Variants in DLEC1 observed in about 807,000 individuals in gnomAD.
DLEC1 encodes the protein deleted in lung and esophageal cancer protein 1.
Under a neutral mutation model 198.1 loss-of-function variants are expected in DLEC1, and 146 were observed. That is an observed-to-expected ratio of 0.74 (90% CI 0.64 to 0.85). DLEC1 has a LOEUF of 0.85. Among genes scored for constraint, DLEC1 ranks in the 40% least tolerant of loss-of-function variants. The probability of loss-of-function intolerance (pLI) is 0.00; values close to 1 mark genes in which losing one functional copy is unlikely to be tolerated. For synonymous variants in DLEC1, 897 were observed against 866.8 expected (o/e 1.03, Z -0.61); for missense variants, 2,233 against 2,220.0 (o/e 1.01, Z -0.12).
At chr3:38,096,822 C>T in intron 15 of DLEC1, 85 bp downstream of exon 15, 1 of 1,441,946 alleles carries the variant, frequency 6.9e-7, no homozygotes, top group South Asian at 1.4e-5. Context: ...GCAGGAGGGG[C>T]AGATGGTAGC....
chr3:38,045,814 T>C lies in DLEC1; in HGVS notation c.562+121T>C, dbSNP rs1436113223. ...ATATTTGGAGAGCAAGTCGCAGACA[T>C]GATAATATGAATATTACCACAAAAG... On this transcript the variant is annotated intron_variant, in intron 2 of 36. Transcript: ENST00000308059. 69 of 1,025,820 alleles carry C rather than the reference T, an allele frequency of 6.7e-5. 1 individual carries two copies. The East Asian group carries it at 1.9e-3, about 28-fold the overall frequency. 63.5% of individuals were successfully genotyped at this position (1,025,820 alleles called of 1,614,324 possible).
intron 10 of DLEC1, among the ~76,000 whole-genome samples, chr3:38,088,792 A>T (rs545780806): frequency 6.6e-6 from 1 of 151,424 alleles, no homozygotes; most frequent in Admixed American, 6.6e-5. Context: ...TTCCTGCTTC[A>T]TCCTCAGTTT....
intron 22 of DLEC1, 59 bp from the exon 23 acceptor site, chr3:38,110,040 G>A (rs766266238): frequency 4.4e-6 from 7 of 1,576,430 alleles, no homozygotes; most frequent in Non-Finnish European, 6.0e-6. Flanking sequence ...ATGGCTCCCT[G>A]GGCAGGGCCA....
Position 38,041,843 on chromosome 3 carries a change from G to A in DLEC1, c.411+2207G>A, listed in dbSNP as rs543224021. ...AGCCTGGGCGACAGAACGAGACTCC[G>A]TTTCAAAAAAAAAAAAAAAAAAAGA... On this transcript the variant is annotated intron_variant, in intron 1 of 36. Coordinates refer to ENST00000308059, the MANE Select transcript of DLEC1 (RefSeq NM_007335.4). Among the ~76,000 whole-genome samples the A allele has an allele frequency of 5.5e-3, 574 of 104,702 alleles. 3 individuals are homozygous for A. In the Middle Eastern group the frequency reaches 0.062, roughly 11 times the overall value. The allele number at this position is 104,702 out of a possible 152,430, so 68.7% of individuals were successfully genotyped here.
chr3:38,113,011 G>A (rs945585324), intron 25 of DLEC1, among the ~76,000 whole-genome samples: 1 of 152,178 alleles, frequency 6.6e-6, no homozygotes, highest in Non-Finnish European at 1.5e-5. Context: ...AATTGTGTGT[G>A]TTCTGTATGA....
chr3:38,067,899 C>T (rs145696465), intron 6 of DLEC1, among the ~76,000 whole-genome samples: 7 of 151,940 alleles, frequency 4.6e-5, no homozygotes, highest in South Asian at 2.1e-4. Flanking sequence ...ATTACAGGTA[C>T]GCACCACCAC....
chr3:38,056,630 T>C (rs552574303), intron 2 of DLEC1, among the ~76,000 whole-genome samples: 1 of 152,334 alleles, frequency 6.6e-6, no homozygotes, highest in East Asian at 1.9e-4. Flanking sequence ...AATTTTAAAC[T>C]TCTTTATTTT....
intron 10 of DLEC1, among the ~76,000 whole-genome samples, chr3:38,090,555 T>C (rs1698690522): frequency 6.6e-6 from 1 of 152,240 alleles, no homozygotes; most frequent in African/African-American, 2.4e-5. Context: ...TTTTTTCTGA[T>C]CTCTGGCTAC....
Position 38,123,116 on chromosome 3 carries a change from G to T in DLEC1, c.*704G>T. The T allele has an allele frequency of 6.2e-7, 1 of 1,614,076 alleles. No homozygotes were observed. Among genetic ancestry groups the T allele is most frequent in the South Asian group, 1.1e-5 (1 of 91,078 alleles). On this transcript the variant is annotated 3_prime_UTR_variant, in exon 37 of 37. Coordinates refer to ENST00000308059, the MANE Select transcript of DLEC1 (RefSeq NM_007335.4). ...TCCCGATGCACATGGACACCACTCC[G>T]TATGCCCTGTGAAAACAAAACTTAA...
chr3:38,055,426 G>A (rs1342952594), intron 2 of DLEC1, among the ~76,000 whole-genome samples: 4 of 152,186 alleles, frequency 2.6e-5, no homozygotes, highest in African/African-American at 9.7e-5. Flanking sequence ...AGACTTTATA[G>A]CAGCCACAGT....
chr3:38,097,543 C>G lies in DLEC1; in HGVS notation c.2471C>G (p.Thr824Ser). 6 of 1,614,210 alleles carry G rather than the reference C, an allele frequency of 3.7e-6. No individual in the cohort carries two copies. The highest frequency in any genetic ancestry group is 5.1e-6 in the Non-Finnish European group (6 of 1,180,030). ...GTCGGGGATTTTGAGTTGAACTTTA[C>G]TGGGGGTGTCCCTGGCCCCACAAGC... ...SEVGDFELNF[T>S]GGVPGPTSQD... Residue 824 changes from threonine (T) to serine (S), a missense_variant, in exon 17 of 37, where the codon ACT (threonine) becomes AGT (serine). Transcript: ENST00000308059.
At chr3:38,040,724 C>T (rs1700613794) in intron 1 of DLEC1, among the ~76,000 whole-genome samples, 1 of 152,228 alleles carries the variant, frequency 6.6e-6, no homozygotes, top group Non-Finnish European at 1.5e-5. Flanking sequence ...ACCCCATGAC[C>T]AGTCACCCAG....
chr3:38,110,199 C>G lies in DLEC1; in HGVS notation c.3361C>G (p.Arg1121Gly). ...RVTRQLILTN[R>G]SPIRTRFSLK... ...GACTCGCCAGCTCATTCTCACCAAT[C>G]GCTCCCCAATACGGACCCGTTTCTC... The change falls in exon 23 of 37, where the codon CGC becomes GGC. Residue 1121 changes from arginine (R) to glycine (G), a missense_variant. Physicochemically the swap from Arg to Gly is moderately radical, Grantham distance 125. Coordinates refer to ENST00000308059, the MANE Select transcript of DLEC1 (RefSeq NM_007335.4). 1 of 1,614,204 alleles carries G rather than the reference C, an allele frequency of 6.2e-7. No homozygotes were observed.
intron 21 of DLEC1, 134 bp downstream of exon 21, chr3:38,108,649 G>C: frequency 1.4e-6 from 1 of 712,814 alleles, no homozygotes; most frequent in Non-Finnish European, 2.4e-6. Flanking sequence ...TCTTGCATTT[G>C]GGTCTGGGGT....
intron 20 of DLEC1, 81 bp from the exon 21 acceptor site, chr3:38,108,324 A>G (rs1699675907): frequency 1.7e-6 from 2 of 1,147,204 alleles, no homozygotes; most frequent in South Asian, 2.7e-5. Flanking sequence ...CATTGCATGC[A>G]GCAGTGCTGA....
In DLEC1 at chr3:38,097,530, G is replaced by A; in HGVS notation, c.2458G>A (p.Glu820Lys). ...AGAGCCCAGTGAGGTCGGGGATTTT[G>A]AGTTGAACTTTACTGGGGGTGTCCC... Reference protein sequence around the residue: ...VIEPSEVGDFELNFTGGVPGP... With the variant: ...VIEPSEVGDFKLNFTGGVPGP... The change falls in exon 17 of 37, where the codon GAG becomes AAG. Residue 820 changes from glutamate to lysine, a missense_variant. Coordinates refer to ENST00000308059, the MANE Select transcript of DLEC1 (RefSeq NM_007335.4). The A allele has an allele frequency of 6.2e-7, 1 of 1,614,170 alleles. No individual in the cohort carries two copies. Among genetic ancestry groups the A allele is most frequent in the Non-Finnish European group, 8.5e-7 (1 of 1,180,012 alleles).
Position 38,088,363 on chromosome 3 carries a change from C to G in DLEC1, c.1640C>G (p.Ala547Gly), listed in dbSNP as rs1698573079. Residue 547 changes from alanine to glycine, a missense_variant, in exon 10 of 37, where the codon GCC becomes GGC. Transcript: ENST00000308059. ...ATCCTGCCTTCGGTGTTTGAGCTGG[C>G]CCCGGGACATGCTATATTAGTGGAG... ...FGILPSVFEL[A>G]PGHAILVEVL... 2.5e-6 allele frequency: 4 copies of G among 1,613,740 alleles called. No individual in the cohort carries two copies. The East Asian group carries it at 8.9e-5, about 36-fold the overall frequency.
chr3:38,062,684 T>C lies in DLEC1; in HGVS notation c.977T>C (p.Phe326Ser), dbSNP rs1696757083. Residue 326 changes from phenylalanine to serine, a missense_variant, in exon 5 of 37, where the codon TTC (phenylalanine) becomes TCC (serine). Phe to Ser is a radical substitution (Grantham distance 155). Coordinates refer to ENST00000308059, the MANE Select transcript of DLEC1 (RefSeq NM_007335.4). ...GCCAGAATGGAGAGTCGGAACCACT[T>C]CCTAAAAAATCCCCGTTTTTTTCCT... is the stretch of plus-strand genomic sequence containing the variant. ...LLARMESRNH[F>S]LKNPRFFPPN... The C allele has an allele frequency of 6.2e-7, 1 of 1,613,950 alleles. No homozygotes were observed. Among genetic ancestry groups the C allele is most frequent in the African/African-American group, 1.3e-5 (1 of 74,892 alleles).
At chr3:38,054,772 G>T (rs1191802464) in intron 2 of DLEC1, among the ~76,000 whole-genome samples, 1 of 152,148 alleles carries the variant, frequency 6.6e-6, no homozygotes, top group Non-Finnish European at 1.5e-5. Flanking sequence ...GGTCTCTCTG[G>T]ATTTCCCCAG....
Sources: gnomAD v4.1 joint callset for allele counts (sites outside exome capture counted in the v4.1 genomes callset) on GRCh38, gnomAD v4.1.1 for gene constraint, MANE v1.5 for transcripts, NCBI Gene and HGNC (gene_info 2026-07-23, HGNC 2026-07-21) for gene names.